The following SDR42E1 variants were observed in gnomAD, a reference collection of about 807,000 sequenced individuals.
The protein encoded by SDR42E1 is short-chain dehydrogenase/reductase family 42E member 1.
Under a neutral mutation model 2.6 loss-of-function variants are expected in SDR42E1, and 5 were observed. The ratio of observed to expected loss-of-function variants is 1.94; its 90% CI spans 1.01 to 4.08. The LOEUF (loss-of-function observed/expected upper bound fraction) is 4.08. Ranked by LOEUF, SDR42E1 falls within the 30% of genes most tolerant of loss-of-function variation. The pLI is 0.00. For synonymous variants in SDR42E1, 231 were observed against 188.3 expected, an observed-to-expected ratio of 1.23 and a Z score of -1.86; for missense variants, 596 against 478.6, an observed-to-expected ratio of 1.25 and a Z score of -2.29.
At position 81,992,584 on chromosome 16, in the gene SDR42E1, T is replaced by G. The variant is rs1304201458; in HGVS notation, c.*6527A>C. 1 of 152,154 alleles carries G rather than the reference T, an allele frequency of 6.6e-6. No individual in the cohort carries two copies. Among genetic ancestry groups the G allele is most frequent in the Non-Finnish European group, 1.5e-5 (1 of 68,016 alleles). 9.4% of individuals were successfully genotyped at this position (152,154 alleles called of 1,614,324 possible). A position where few individuals can be genotyped will look rare whatever the true frequency, so the allele number is the denominator to read the frequency against. The stretch of plus-strand genomic sequence containing the variant: ...TCCACTGGGAGGCTAGAGCAAAAGA[T>G]ATGTAGAATACTTGCCAAGATTAAA... On this transcript the variant is annotated 3_prime_UTR_variant, in exon 3 of 3. Coordinates refer to ENST00000328945, the MANE Select transcript of SDR42E1 (RefSeq NM_145168.3).
chr16:82,000,352 C>G, intron 2 of SDR42E1, 128 bp from the exon 3 acceptor site: 1 of 1,132,766 alleles, frequency 8.8e-7, no homozygotes, highest in East Asian at 2.4e-5. Context: ...GAGCCCCTCA[C>G]TATGCATGTT....
rs760534230 is a variant in SDR42E1, at chr16:81,999,518, G to T, written c.775C>A (p.Pro259Thr). The T allele has an allele frequency of 6.8e-6, 11 of 1,614,066 alleles. No homozygotes were observed. The highest frequency in any genetic ancestry group is 1.7e-5 in the Admixed American group (1 of 60,004). The change falls in exon 3 of 3, where the codon CCC becomes ACC. Residue 259 changes from proline (P) to threonine (T), a missense_variant. Physicochemically the swap from Pro to Thr is conservative, Grantham distance 38. Coordinates refer to ENST00000328945, the MANE Select transcript of SDR42E1 (RefSeq NM_145168.3). ...CGGAAGAACTCAAAGTTGTTCACGGGTCTGCCATCTGAGATGAAGTAGGGC... is the reference window on the plus strand; with the variant it reads ...CGGAAGAACTCAAAGTTGTTCACGGTTCTGCCATCTGAGATGAAGTAGGGC... Reference protein sequence around the residue: ...GQPYFISDGRPVNNFEFFRPL... With the variant: ...GQPYFISDGRTVNNFEFFRPL...
chr16:81,993,659 C>T lies in SDR42E1; in HGVS notation c.*5452G>A, dbSNP rs1343462996. 1 of 152,142 alleles carries T rather than the reference C, an allele frequency of 6.6e-6. No individual in the cohort carries two copies. The highest frequency in any genetic ancestry group is 1.5e-5 in the Non-Finnish European group (1 of 68,034). 9.4% of individuals were successfully genotyped at this position (152,142 alleles called of 1,614,324 possible). On this transcript the variant is annotated 3_prime_UTR_variant, in exon 3 of 3. Coordinates refer to ENST00000328945, the MANE Select transcript of SDR42E1 (RefSeq NM_145168.3). ...GCTGTAATTTCAGATAAGGGACCAC[C>T]TGGCTGATAAGTGCATTCACCCCGT... is the stretch of plus-strand genomic sequence containing the variant.
Position 81,997,903 on chromosome 16 carries a change from T to C in SDR42E1, c.*1208A>G, listed in dbSNP as rs138222244. ...GGCAGCATTCCACAGGGATTGCTCA[T>C]CTATTTGTATTTTACAGATACTCTC... On this transcript the variant is annotated 3_prime_UTR_variant, in exon 3 of 3. Coordinates refer to ENST00000328945, the MANE Select transcript of SDR42E1 (RefSeq NM_145168.3). 6.6e-6 allele frequency: 1 copy of C among 152,328 alleles called. No homozygotes were observed. The highest frequency in any genetic ancestry group is 2.4e-5 in the African/African-American group (1 of 41,582). 9.4% of individuals were successfully genotyped at this position (152,328 alleles called of 1,614,324 possible).
Position 81,995,581 on chromosome 16 carries a change from C to T in SDR42E1, c.*3530G>A, listed in dbSNP as rs773345534. 13 of 152,164 alleles carry T rather than the reference C, an allele frequency of 8.5e-5. No individual in the cohort carries two copies. Among genetic ancestry groups the T allele is most frequent in the Non-Finnish European group, 1.8e-4 (12 of 68,048 alleles). The allele number at this position is 152,164 out of a possible 1,614,324, so 9.4% of individuals were successfully genotyped here. A position where few individuals can be genotyped will look rare whatever the true frequency, so the allele number is the denominator to read the frequency against. On this transcript the variant is annotated 3_prime_UTR_variant, in exon 3 of 3. Coordinates refer to ENST00000328945, the MANE Select transcript of SDR42E1 (RefSeq NM_145168.3). ...ACAATGACTTCCCTTACTCACTAGA[C>T]CTCATCTAATCTTGACTTAGTTACG...
chr16:81,996,371 G>C lies in SDR42E1; in HGVS notation c.*2740C>G, dbSNP rs1912542030. On this transcript the variant is annotated 3_prime_UTR_variant, in exon 3 of 3. Transcript: ENST00000328945. ...AGTAAAAATCAACTGGCTTAAACAT[G>C]GGTTAGGTGTGTCAAGTCTGGGAGA... 1 of 152,160 alleles carries C rather than the reference G, an allele frequency of 6.6e-6. No individual in the cohort carries two copies. Among genetic ancestry groups the C allele is most frequent in the African/African-American group, 2.4e-5 (1 of 41,426 alleles). The allele number at this position is 152,160 out of a possible 1,614,324, so 9.4% of individuals were successfully genotyped here.
chr16:81,989,311 G>A lies in SDR42E1; in HGVS notation c.*9800C>T, dbSNP rs564343187. Reference sequence around the variant, plus strand: ...AGGAACTGTGAGGTGGGAGACAGTAGTATGGGGAAAGACATGAACACCACA... The same window carrying A: ...AGGAACTGTGAGGTGGGAGACAGTAATATGGGGAAAGACATGAACACCACA... On this transcript the variant is annotated 3_prime_UTR_variant, in exon 3 of 3. Coordinates refer to ENST00000328945, the MANE Select transcript of SDR42E1 (RefSeq NM_145168.3). The A allele has an allele frequency of 6.6e-6, 1 of 152,308 alleles. No individual in the cohort carries two copies. Among genetic ancestry groups the A allele is most frequent in the East Asian group, 1.9e-4 (1 of 5,188 alleles). The allele number at this position is 152,308 out of a possible 1,614,324, so 9.4% of individuals were successfully genotyped here. A position where few individuals can be genotyped will look rare whatever the true frequency, so the allele number is the denominator to read the frequency against.
rs1238710498 is a variant in SDR42E1 at position 81,992,159 on chromosome 16, A to T, written c.*6952T>A. The T allele has an allele frequency of 6.6e-6, 1 of 152,230 alleles. No individual in the cohort carries two copies. The highest frequency in any genetic ancestry group is 1.5e-5 in the Non-Finnish European group (1 of 68,114). The allele number at this position is 152,230 out of a possible 1,614,324, so 9.4% of individuals were successfully genotyped here. ...CAACAAGAGCAAAACTCCATCTCAA[A>T]AAAAAGAAAAAAAAATTAGAAAGCC... On this transcript the variant is annotated 3_prime_UTR_variant, in exon 3 of 3. Transcript: ENST00000328945.
chr16:82,003,429 T>G (rs957743918), intron 1 of SDR42E1, among the ~76,000 whole-genome samples: 1 of 152,190 alleles, frequency 6.6e-6, no homozygotes, highest in Non-Finnish European at 1.5e-5. Flanking sequence ...TAGACATCAG[T>G]TACTGATATA....
In SDR42E1 at chr16:81,997,508, G is replaced by C. The variant is rs553750037; in HGVS notation, c.*1603C>G. On this transcript the variant is annotated 3_prime_UTR_variant, in exon 3 of 3. Coordinates refer to ENST00000328945, the MANE Select transcript of SDR42E1 (RefSeq NM_145168.3). ...CTGCTGTCTTGGATGACCTGCTCTG[G>C]GGATGAGGATATTCAAGCAGTTCTA... 6.6e-6 allele frequency: 1 copy of C among 152,244 alleles called. No homozygotes were observed. The highest frequency in any genetic ancestry group is 2.1e-4 in the South Asian group (1 of 4,830). The allele number at this position is 152,244 out of a possible 1,614,324, so 9.4% of individuals were successfully genotyped here.
At position 81,990,578 on chromosome 16, in the gene SDR42E1, T is replaced by C. The variant is rs1912404036; in HGVS notation, c.*8533A>G. The C allele has an allele frequency of 6.6e-6, 1 of 152,200 alleles. No individual in the cohort carries two copies. The highest frequency in any genetic ancestry group is 2.1e-4 in the South Asian group (1 of 4,832). 9.4% of individuals were successfully genotyped at this position (152,200 alleles called of 1,614,324 possible). ...AATTAAGGATCCATGTGCATAGTTCTTGTACAGGTTACAAAAGGCCTCTGT... is the reference window on the plus strand; with the variant it reads ...AATTAAGGATCCATGTGCATAGTTCCTGTACAGGTTACAAAAGGCCTCTGT... On this transcript the variant is annotated 3_prime_UTR_variant, in exon 3 of 3. Transcript: ENST00000328945.
chr16:82,000,170 G>A lies in SDR42E1; in HGVS notation c.123C>T (p.Ser41=). 1.2e-6 allele frequency: 2 copies of A among 1,612,582 alleles called. No individual in the cohort carries two copies. The highest frequency in any genetic ancestry group is 1.7e-6 in the Non-Finnish European group (2 of 1,179,042). ...CTTCTGGAATGGTTTGAGCAGGGCTGCTGATGTCAAACAGAATCACATGGA... is the reference window on the plus strand; with the variant it reads ...CTTCTGGAATGGTTTGAGCAGGGCTACTGATGTCAAACAGAATCACATGGA... The part of the protein sequence containing the change: ...NGVHVILFDI[S]SPAQTIPEGI... Residue 41 remains serine, a synonymous_variant, in exon 3 of 3, where the codon AGC becomes AGT. Coordinates refer to ENST00000328945, the MANE Select transcript of SDR42E1 (RefSeq NM_145168.3).
chr16:82,002,803 C>G (rs1172727810), intron 1 of SDR42E1, among the ~76,000 whole-genome samples: 1 of 152,182 alleles, frequency 6.6e-6, no homozygotes, highest in African/African-American at 2.4e-5. Flanking sequence ...AATAAGCCTG[C>G]CTGAAGACTG....
At chr16:82,007,869 C>G (rs1912993914) in intron 1 of SDR42E1, 1 of 152,162 alleles carries the variant, frequency 6.6e-6, no homozygotes, top group Non-Finnish European at 1.5e-5. Context: ...TTCCTCCGCC[C>G]TAAAATAAAA....
intron 1 of SDR42E1, among the ~76,000 whole-genome samples, chr16:82,011,167 G>T (rs551591280): frequency 6.6e-6 from 1 of 152,250 alleles, no homozygotes; most frequent in African/African-American, 2.4e-5. Context: ...CGGAGGGCCA[G>T]TGTTTGAGGC....
In SDR42E1 at chr16:81,994,519, G is replaced by A. The variant is rs186299745; in HGVS notation, c.*4592C>T. The A allele has an allele frequency of 6.6e-6, 1 of 152,274 alleles. No homozygotes were observed. Among genetic ancestry groups the A allele is most frequent in the African/African-American group, 2.4e-5 (1 of 41,456 alleles). 9.4% of individuals were successfully genotyped at this position (152,274 alleles called of 1,614,324 possible). A position where few individuals can be genotyped will look rare whatever the true frequency, so the allele number is the denominator to read the frequency against. On this transcript the variant is annotated 3_prime_UTR_variant, in exon 3 of 3. Coordinates refer to ENST00000328945, the MANE Select transcript of SDR42E1 (RefSeq NM_145168.3). ...GGAGGTCAGCCCCACGAAAGGGCTG[G>A]GAGGGACTTTTTGTCACCAAAAAGG...
chr16:82,009,208 A>G (rs1400965736), intron 1 of SDR42E1, among the ~76,000 whole-genome samples: 1 of 152,200 alleles, frequency 6.6e-6, no homozygotes, highest in Non-Finnish European at 1.5e-5. Flanking sequence ...GCAGCATGGA[A>G]GGGAAATGTG....
rs1912588628 is a variant in SDR42E1 at position 81,998,027 on chromosome 16, C to CT, written c.*1083dup. On this transcript the variant is annotated 3_prime_UTR_variant, in exon 3 of 3. Coordinates refer to ENST00000328945, the MANE Select transcript of SDR42E1 (RefSeq NM_145168.3). The stretch of plus-strand genomic sequence containing the variant: ...CTGGAGCCATGGACAGACATGGACT[C>CT]TGTCTTCTTTCCACTTGGGTTCCTA... 1.3e-5 allele frequency: 2 copies of CT among 152,248 alleles called. No homozygotes were observed. Among genetic ancestry groups the CT allele is most frequent in the Non-Finnish European group, 2.9e-5 (2 of 68,054 alleles). The allele number at this position is 152,248 out of a possible 1,614,324, so 9.4% of individuals were successfully genotyped here.
Position 81,999,132 on chromosome 16 carries a change from A to G in SDR42E1, c.1161T>C (p.Ser387=). Residue 387 remains serine, a synonymous_variant, in exon 3 of 3, where the codon TCT becomes TCC. Coordinates refer to ENST00000328945, the MANE Select transcript of SDR42E1 (RefSeq NM_145168.3). ...TCCTTCACAGTGACAGAATCACAGA[A>G]GAAGGCAGCCACATGAGAACTGCTA... The part of the protein sequence containing the change: ...LIIAVLMWLP[S]SVILSL 6.2e-7 allele frequency: 1 copy of G among 1,613,146 alleles called. No homozygotes were observed. The highest frequency in any genetic ancestry group is 2.2e-5 in the East Asian group (1 of 44,882).
Sources: allele counts gnomAD v4.1 joint callset (sites outside exome capture counted in the v4.1 genomes callset), GRCh38; gene constraint gnomAD v4.1.1; transcripts MANE v1.5; gene names NCBI Gene and HGNC (gene_info 2026-07-23, HGNC 2026-07-21).